The following SNRK variants were observed in gnomAD, a reference collection of about 807,000 sequenced individuals.
SNRK encodes the protein SNF-related serine/threonine-protein kinase.
SNRK carries 3 observed loss-of-function variants against 48.2 expected under a neutral mutation model. The observed-to-expected ratio is 0.06, with a 90% CI of 0.03 to 0.16. The LOEUF is 0.16. SNRK is among the 10% of genes least tolerant of loss of function. SNRK has a pLI of 1.00. For missense variants in SNRK, 627 were observed against 976.0 expected, an observed-to-expected ratio of 0.64 and a Z score of 4.76; for synonymous variants, 376 against 366.1, an observed-to-expected ratio of 1.03 and a Z score of -0.31.
At chr3:43,317,387 G>A (rs1242655919) in intron 3 of SNRK, among the ~76,000 whole-genome samples, 1 of 152,176 alleles carries the variant, frequency 6.6e-6, no homozygotes, top group Non-Finnish European at 1.5e-5. Flanking sequence ...GCAGCTGTAA[G>A]GAGAGAATTC....
intron 4 of SNRK, among the ~76,000 whole-genome samples, chr3:43,338,974 G>A (rs1415489076): frequency 6.6e-6 from 1 of 151,968 alleles, no homozygotes; most frequent in Admixed American, 6.6e-5. Flanking sequence ...TGAAGTATTC[G>A]CATTCTGATT....
intron 2 of SNRK, among the ~76,000 whole-genome samples, chr3:43,300,799 C>G (rs1462921483): frequency 6.6e-6 from 1 of 152,182 alleles, no homozygotes; most frequent in Non-Finnish European, 1.5e-5. Context: ...CCACACACAC[C>G]TAGGCATTGT....
At chr3:43,315,025 A>C (rs1259877436) in intron 3 of SNRK, 1 of 152,278 alleles carries the variant, frequency 6.6e-6, no homozygotes, top group East Asian at 1.9e-4. Flanking sequence ...ACTTGAGCCC[A>C]GGAGTTCTAG....
chr3:43,345,566 C>T (rs1337100200), intron 6 of SNRK, among the ~76,000 whole-genome samples: 1 of 152,032 alleles, frequency 6.6e-6, no homozygotes, highest in East Asian at 1.9e-4. Flanking sequence ...ACAAGCAGTT[C>T]GGTAGGCAGA....
At chr3:43,346,176 C>T (rs779996451) in intron 6 of SNRK, among the ~76,000 whole-genome samples, 4 of 152,124 alleles carry the variant, frequency 2.6e-5, no homozygotes, top group African/African-American at 9.7e-5. Flanking sequence ...AGTCATTGTT[C>T]GGTTATGACC....
Position 43,332,123 on chromosome 3 carries a change from G to A in SNRK, c.590-46G>A, listed in dbSNP as rs544160687. On this transcript the variant is annotated intron_variant, in intron 3 of 6. Transcript: ENST00000296088. ...TGTTAGCGCACTTTTAATGTTTTTG[G>A]TTTTCTAATTAGTCCAATATTTTAA... 3.7e-5 allele frequency: 50 copies of A among 1,359,936 alleles called. No individual in the cohort carries two copies. In the East Asian group the frequency reaches 1.2e-3, roughly 33 times the overall value. 84.2% of individuals were successfully genotyped at this position (1,359,936 alleles called of 1,614,324 possible).
At chr3:43,342,985 G>C (rs1479990147) in intron 5 of SNRK, among the ~76,000 whole-genome samples, 4 of 152,312 alleles carry the variant, frequency 2.6e-5, no homozygotes, top group African/African-American at 7.2e-5. Flanking sequence ...GTGGAAGCAA[G>C]TAAACCACCT....
intron 1 of SNRK, among the ~76,000 whole-genome samples, chr3:43,286,943 C>T (rs2090769401): frequency 7.0e-6 from 1 of 143,254 alleles, no homozygotes; most frequent in Admixed American, 6.9e-5. Flanking sequence ...GTCACTGCGG[C>T]GGCGGCCGCG....
chr3:43,320,616 G>A (rs775749694), intron 3 of SNRK, among the ~76,000 whole-genome samples: 7 of 151,554 alleles, frequency 4.6e-5, no homozygotes, highest in Non-Finnish European at 7.4e-5. Context: ...ACAATGAGAC[G>A]TATTAAATGT....
intron 1 of SNRK, among the ~76,000 whole-genome samples, chr3:43,292,292 T>C (rs1193660033): frequency 6.6e-6 from 1 of 152,232 alleles, no homozygotes; most frequent in Admixed American, 6.5e-5. Flanking sequence ...CAATGAACTT[T>C]TAAAATTTGT....
chr3:43,328,927 C>T (rs1261619699), intron 3 of SNRK, among the ~76,000 whole-genome samples: 1 of 152,190 alleles, frequency 6.6e-6, no homozygotes, highest in African/African-American at 2.4e-5. Context: ...CAGGGCAGGG[C>T]AGCAGCAGCC....
At chr3:43,311,699 G>C (rs562304445) in intron 3 of SNRK, among the ~76,000 whole-genome samples, 4 of 152,200 alleles carry the variant, frequency 2.6e-5, no homozygotes, top group African/African-American at 9.6e-5. Flanking sequence ...ACCTGTGCCT[G>C]CTGGGCTAAG....
At chr3:43,340,856 G>T (rs1488037095) in intron 5 of SNRK, among the ~76,000 whole-genome samples, 1 of 152,178 alleles carries the variant, frequency 6.6e-6, no homozygotes, top group African/African-American at 2.4e-5. Flanking sequence ...CAGTGATAGG[G>T]AGAACAGTAC....
intron 3 of SNRK, among the ~76,000 whole-genome samples, chr3:43,325,633 T>C (rs1326184557): frequency 6.6e-6 from 1 of 152,250 alleles, no homozygotes; most frequent in Non-Finnish European, 1.5e-5. Context: ...TGGACATTTT[T>C]AGATGTGGTG....
In SNRK at chr3:43,308,687, C is replaced by G. The variant is rs150722167; in HGVS notation, c.589+4895C>G. On this transcript the variant is annotated intron_variant, in intron 3 of 6. Transcript: ENST00000296088. ...GCCACTCATTGACAATGCTCCTGGT[C>G]ACCCAAGAGCTCTGATGGAGATGTA... Among the ~76,000 whole-genome samples the G allele has an allele frequency of 3.9e-4, 60 of 152,340 alleles. 2 individuals are homozygous for G. The East Asian group carries it at 0.011, about 29-fold the overall frequency.
At chr3:43,312,308 C>G (rs998211319) in intron 3 of SNRK, among the ~76,000 whole-genome samples, 5 of 152,184 alleles carry the variant, frequency 3.3e-5, no homozygotes, top group African/African-American at 1.2e-4. Context: ...TATACACTCT[C>G]TACAACATTT....
rs1377402759 is a variant in SNRK, at chr3:43,349,920, C to T, written c.*1363C>T. On this transcript the variant is annotated 3_prime_UTR_variant, in exon 7 of 7. Transcript: ENST00000296088. ...CATGTGGCTGGGACCCAGGGCCCTT[C>T]CCCACTCTTCAGCCCCGAGTCATGT... 3.9e-5 allele frequency: 6 copies of T among 152,166 alleles called. No individual in the cohort carries two copies. The highest frequency in any genetic ancestry group is 1.4e-4 in the African/African-American group (6 of 41,414). The allele number at this position is 152,166 out of a possible 1,614,324, so 9.4% of individuals were successfully genotyped here. A position where few individuals can be genotyped will look rare whatever the true frequency, so the allele number is the denominator to read the frequency against.
Position 43,347,670 on chromosome 3 carries a change from C to T in SNRK, c.1411C>T (p.Pro471Ser). The change falls in exon 7 of 7, where the codon CCA (proline) becomes TCA (serine). Residue 471 changes from proline (P) to serine (S), a missense_variant. Pro to Ser is a moderately conservative substitution (Grantham distance 74). Around this residue, in one of 4 missense-constraint regions of SNRK, gnomAD observed 98 missense variants for 175.2 expected, o/e 0.56. Transcript: ENST00000296088. This position sits in a 1 kb window ranked among gnomAD's most constrained non-coding sequence, Gnocchi z 5.4. The stretch of plus-strand genomic sequence containing the variant: ...AACACAAGTGGTTTTGCGCCGGAAG[C>T]CATCTGTAACCAACCGCCTGACATC... ...LSTQVVLRRK[P>S]SVTNRLTSRK... 1.2e-6 allele frequency: 2 copies of T among 1,613,710 alleles called. No homozygotes were observed. Among genetic ancestry groups the T allele is most frequent in the African/African-American group, 2.7e-5 (2 of 75,022 alleles).
At position 43,348,324 on chromosome 3, in the gene SNRK, A is replaced by G. The variant is rs775309135; in HGVS notation, c.2065A>G (p.Ile689Val). 2 of 1,612,766 alleles carry G rather than the reference A, an allele frequency of 1.2e-6. No individual in the cohort carries two copies. The highest frequency in any genetic ancestry group is 2.7e-5 in the African/African-American group (2 of 74,922). Residue 689 changes from isoleucine (I) to valine (V), a missense_variant, in exon 7 of 7, where the codon ATT (isoleucine) becomes GTT (valine). Physicochemically the swap from Ile to Val is conservative, Grantham distance 29. This residue lies in a region of SNRK where 207 missense variants were observed against 234.3 expected (regional missense o/e 0.88). Transcript: ENST00000296088. ...VQEKSTWKMC[I>V]SSTGNAGQVP... ...AGAGAAATCTACGTGGAAAATGTGCATTAGCTCCACAGGGAATGCAGGGCA... is the reference window on the plus strand; with the variant it reads ...AGAGAAATCTACGTGGAAAATGTGCGTTAGCTCCACAGGGAATGCAGGGCA...
Sources: gnomAD v4.1 joint callset for allele counts (sites outside exome capture counted in the v4.1 genomes callset) on GRCh38, gnomAD v4.1.1 for gene constraint, gnomAD v4.1.1 regional missense constraint, Gnocchi (gnomAD v3.1) non-coding constraint, MANE v1.5 for transcripts, NCBI Gene and HGNC (gene_info 2026-07-23, HGNC 2026-07-21) for gene names.